The following SECISBP2L variants were observed in gnomAD, a reference collection of about 807,000 sequenced individuals.
SECISBP2L encodes the protein selenocysteine insertion sequence-binding protein 2-like.
SECISBP2L carries 43 observed loss-of-function variants against 114.7 expected under a neutral mutation model. That is an observed-to-expected ratio of 0.38 (90% CI 0.29 to 0.48). The LOEUF is 0.48. Among genes scored for constraint, SECISBP2L ranks in the 20% least tolerant of loss-of-function variants. SECISBP2L has a pLI of 0.98. For missense variants in SECISBP2L, 1,136 were observed against 1,301.1 expected (o/e 0.87, Z 1.95); for synonymous variants, 451 against 439.7 (o/e 1.03, Z -0.32).
At chr15:49,031,111 T>G (rs1902879839) in intron 4 of SECISBP2L, among the ~76,000 whole-genome samples, 1 of 147,200 alleles carries the variant, frequency 6.8e-6, no homozygotes, top group Admixed American at 7.0e-5. Context: ...TGCAGTGATG[T>G]GATCTCGGCT....
intron 11 of SECISBP2L, among the ~76,000 whole-genome samples, chr15:49,013,532 T>C (rs548590257): frequency 5.6e-4 from 86 of 152,316 alleles, no homozygotes; most frequent in Admixed American, 3.4e-3. Context: ...CTTGACCTTG[T>C]GATCCGCCCA....
rs570840036 is a variant in SECISBP2L at position 49,039,480 on chromosome 15, T to C, written c.25-1711A>G. Among the ~76,000 whole-genome samples, 8 of 151,750 alleles carry C rather than the reference T, an allele frequency of 5.3e-5. No homozygotes were observed. The East Asian group carries it at 1.5e-3, about 29-fold the overall frequency. On this transcript the variant is annotated intron_variant, in intron 1 of 17. Transcript: ENST00000559471. The stretch of plus-strand genomic sequence containing the variant: ...ATAAGAAAAGAAACTGAAATCACAG[T>C]TTAACTGCACTAAAAATGTAATTTT...
At chr15:49,030,865 T>C (rs1595794139) in intron 4 of SECISBP2L, among the ~76,000 whole-genome samples, 1 of 152,148 alleles carries the variant, frequency 6.6e-6, no homozygotes, top group African/African-American at 2.4e-5. Flanking sequence ...GGAATTAAGA[T>C]GGCTTTACAA....
Position 49,011,794 on chromosome 15 carries a change from C to T in SECISBP2L, c.1801G>A (p.Glu601Lys). Residue 601 changes from glutamate (E) to lysine (K), a missense_variant, in exon 13 of 18, where the codon GAA becomes AAA. By Grantham distance (56) the Glu-to-Lys change is moderately conservative. This residue lies in a region of SECISBP2L where 684 missense variants were observed against 848.7 expected (regional missense o/e 0.81). Transcript: ENST00000559471. The stretch of plus-strand genomic sequence containing the variant: ...AAATCTAAGTGCATTTCTGTTGGTT[C>T]CTCGGATCCCAAAAGATTGTGGTCC... Reference protein sequence around the residue: ...TVDHNLLGSEEPTEMHLDFID... With the variant: ...TVDHNLLGSEKPTEMHLDFID... The T allele has an allele frequency of 6.2e-7, 1 of 1,614,090 alleles. No homozygotes were observed. The highest frequency in any genetic ancestry group is 8.5e-7 in the Non-Finnish European group (1 of 1,179,988).
intron 9 of SECISBP2L, among the ~76,000 whole-genome samples, chr15:49,017,222 G>A (rs1453748744): frequency 6.6e-6 from 1 of 152,176 alleles, no homozygotes; most frequent in Non-Finnish European, 1.5e-5. Context: ...AGTGGGTGAT[G>A]GCTGCCTGGA....
chr15:49,041,144 TAAC>T (rs1018822190), intron 1 of SECISBP2L, among the ~76,000 whole-genome samples: 16 of 152,328 alleles, frequency 1.1e-4, no homozygotes, highest in African/African-American at 3.1e-4. Context: ...AAACTACACT[TAAC>T]AAAGTCTAAT....
chr15:49,016,004 A>G (rs1220441215), intron 11 of SECISBP2L, among the ~76,000 whole-genome samples: 2 of 152,220 alleles, frequency 1.3e-5, no homozygotes, highest in East Asian at 3.8e-4. Flanking sequence ...GAGGACTGCT[A>G]ATGCAGCTAG....
chr15:49,020,933 T>C (rs1902629148), intron 7 of SECISBP2L, among the ~76,000 whole-genome samples: 1 of 152,224 alleles, frequency 6.6e-6, no homozygotes, highest in South Asian at 2.1e-4. Flanking sequence ...AATAAGCTTT[T>C]ATTAAATCAC....
intron 11 of SECISBP2L, among the ~76,000 whole-genome samples, chr15:49,015,181 G>T (rs1902511700): frequency 6.6e-6 from 1 of 152,076 alleles, no homozygotes; most frequent in African/African-American, 2.4e-5. Context: ...GGAAGAACAG[G>T]ATTCAAACAA....
intron 14 of SECISBP2L, among the ~76,000 whole-genome samples, chr15:49,007,203 G>A (rs1902342061): frequency 6.6e-6 from 1 of 152,176 alleles, no homozygotes; most frequent in Non-Finnish European, 1.5e-5. Flanking sequence ...AAATGCCAGT[G>A]GAGCTGCCCT....
chr15:49,043,561 T>C (rs1903184116), intron 1 of SECISBP2L, among the ~76,000 whole-genome samples: 1 of 150,550 alleles, frequency 6.6e-6, no homozygotes, highest in Non-Finnish European at 1.5e-5. Context: ...TAAGCCTTTA[T>C]AAACAAAATG....
intron 3 of SECISBP2L, among the ~76,000 whole-genome samples, chr15:49,033,752 AG>A (rs1902945403): frequency 6.6e-6 from 1 of 152,158 alleles, no homozygotes; most frequent in African/African-American, 2.4e-5. Context: ...GGATCACTTG[AG>A]CCCAGGCGTT....
rs192709279 is a variant in SECISBP2L, at chr15:49,044,153, G to A, written c.24+2123C>T. The stretch of plus-strand genomic sequence containing the variant: ...GAGAAATTCTGAGTATGTCAACACT[G>A]GTCTAAAGGGAAAAAAACATTCTGT... On this transcript the variant is annotated intron_variant, in intron 1 of 17. Transcript: ENST00000559471. Among the ~76,000 whole-genome samples the A allele has an allele frequency of 2.3e-3, 345 of 151,838 alleles. 2 individuals are homozygous for A. Among genetic ancestry groups the A allele is most frequent in the African/African-American group, 7.8e-3 (324 of 41,440 alleles).
intron 6 of SECISBP2L, 127 bp from the exon 7 acceptor site, chr15:49,027,607 ATTATTTTT>A: frequency 3.1e-6 from 1 of 326,666 alleles, no homozygotes; most frequent in Non-Finnish European, 5.5e-6. Context: ...TATAAACCTT[ATTATTTTT>A]TTTTTTTTTT....
intron 14 of SECISBP2L, among the ~76,000 whole-genome samples, chr15:49,006,413 T>C (rs1236418828): frequency 1.3e-5 from 2 of 152,314 alleles, no homozygotes; most frequent in South Asian, 2.1e-4. Context: ...TCTTTTCATA[T>C]AGACCCATAT....
At chr15:48,998,570 TA>T (rs1276427462) in intron 16 of SECISBP2L, among the ~76,000 whole-genome samples, 10 of 151,970 alleles carry the variant, frequency 6.6e-5, no homozygotes, top group Middle Eastern at 3.2e-3. Flanking sequence ...TTGTTAGGAA[TA>T]AAAGAATATA....
intron 15 of SECISBP2L, 21 bp from the exon 16 acceptor site, chr15:49,000,008 A>G: frequency 1.2e-6 from 2 of 1,611,782 alleles, no homozygotes; most frequent in Non-Finnish European, 8.5e-7. Flanking sequence ...CAACACATGC[A>G]GACGCCTTTA....
Position 49,012,831 on chromosome 15 carries a change from G to C in SECISBP2L, c.1562-14C>G. 6.3e-7 allele frequency: 1 copy of C among 1,598,002 alleles called. No homozygotes were observed. ...CTGCAGTAACCACTAAAAACAAAGA[G>C]GAACATTAGTTTCACCATTAGGGCC... On this transcript the variant is annotated splice_polypyrimidine_tract_variant and intron_variant, in intron 11 of 17. Transcript: ENST00000559471.
At chr15:48,998,502 T>C (rs1053216121) in intron 16 of SECISBP2L, among the ~76,000 whole-genome samples, 2 of 151,856 alleles carry the variant, frequency 1.3e-5, no homozygotes, top group African/African-American at 4.8e-5. Flanking sequence ...AAAAAGAAAA[T>C]ATGCAAATGG....
Sources: allele counts gnomAD v4.1 joint callset (sites outside exome capture counted in the v4.1 genomes callset), GRCh38; gene constraint gnomAD v4.1.1; regional missense constraint gnomAD v4.1.1; transcripts MANE v1.5; gene names NCBI Gene and HGNC (gene_info 2026-07-23, HGNC 2026-07-21).